MROH1: variants seen among roughly 807,000 people sequenced by gnomAD.
MROH1 encodes maestro heat like repeat family member 1, also known as maestro heat-like repeat-containing protein family member 1.
A neutral mutation model predicts 116.5 loss-of-function variants in MROH1; 117 were observed. The ratio of observed to expected loss-of-function variants is 1.00; its 90% CI spans 0.86 to 1.17. The LOEUF is 1.17. Among genes scored for constraint, MROH1 ranks in the 50% most tolerant of loss-of-function variants. The pLI is 0.00. For synonymous variants in MROH1, 921 were observed against 583.9 expected, an observed-to-expected ratio of 1.58 and a Z score of -8.32; for missense variants, 1,873 against 1,338.5, an observed-to-expected ratio of 1.40 and a Z score of -6.23.
At chr8:144,200,398 G>A in intron 11 of MROH1, 30 bp from the exon 12 acceptor site, 1 of 1,501,902 alleles carries the variant, frequency 6.7e-7, no homozygotes, top group Non-Finnish European at 9.0e-7. Context: ...AAGATGACAT[G>A]GAGCCTAATC....
chr8:144,233,539 A>G (rs564502169), intron 14 of MROH1, among the ~76,000 whole-genome samples: 3,806 of 142,916 alleles, frequency 0.027, 195 homozygotes, highest in African/African-American at 0.098. Flanking sequence ...CCCACCATCC[A>G]CCTTCTCTCT....
At chr8:144,228,631 T>C (rs1838250861) in intron 14 of MROH1, among the ~76,000 whole-genome samples, 1 of 152,154 alleles carries the variant, frequency 6.6e-6, no homozygotes, top group Non-Finnish European at 1.5e-5. Context: ...ACCCAGCTAA[T>C]TGTTTGTATT....
At position 144,240,611 on chromosome 8, in the gene MROH1, G is replaced by A. The variant is rs1840812090; in HGVS notation, c.1869G>A (p.Trp623Ter). The change falls in exon 20 of 44, where the codon TGG becomes TGA. Residue 623 changes from tryptophan (W) to a stop codon, truncating the protein, a stop_gained. Transcript: ENST00000326134. LOFTEE classifies it high-confidence loss of function. ...TGGCCATCATTTCTGACAACGCGTG[G>A]ATCTGCCAGCTGAGCCTGGAGCTGT... is the stretch of plus-strand genomic sequence containing the variant. ...DTLAIISDNA[W>*]ICQLSLELCR... is the part of the protein sequence containing the mutation. 1.4e-6 allele frequency: 1 copy of A among 717,476 alleles called. No individual in the cohort carries two copies. Among genetic ancestry groups the A allele is most frequent in the East Asian group, 2.7e-5 (1 of 37,308 alleles). 44.4% of individuals were successfully genotyped at this position (717,476 alleles called of 1,614,324 possible).
Position 144,259,243 on chromosome 8 carries a change from C to T in MROH1, c.3933C>T (p.Ala1311=), listed in dbSNP as rs2129970315. 2.8e-6 allele frequency: 2 copies of T among 713,776 alleles called. No individual in the cohort carries two copies. The highest frequency in any genetic ancestry group is 2.6e-6 in the Non-Finnish European group (1 of 384,840). 44.2% of individuals were successfully genotyped at this position (713,776 alleles called of 1,614,324 possible). ...HEEGATRLAR[A]MAEHAGPRLP... ...CCTCAGCGGCCCCCTTTCCCAGGGC[C>T]ATGGCTGAGCACGCAGGGCCCCGAC... Residue 1311 remains alanine (A), a synonymous_variant, in exon 37 of 44, where the codon GCC becomes GCT. Transcript: ENST00000326134.
intron 7 of MROH1, among the ~76,000 whole-genome samples, chr8:144,188,368 C>G (rs956756469): frequency 6.6e-6 from 1 of 152,092 alleles, no homozygotes; most frequent in African/African-American, 2.4e-5. Context: ...CACTCACACC[C>G]CAACCTGGCC....
At chr8:144,199,308 G>A in intron 11 of MROH1, 108 bp downstream of exon 11, 5 of 1,184,600 alleles carry the variant, frequency 4.2e-6, no homozygotes, top group Middle Eastern at 2.0e-4. Flanking sequence ...CGGGGATGAG[G>A]AGGCCCCTGT....
intron 33 of MROH1, chr8:144,251,851 C>G (rs945766549): frequency 1.2e-5 from 2 of 163,626 alleles, no homozygotes; most frequent in Non-Finnish European, 2.7e-5. Flanking sequence ...GCCACCTGAC[C>G]GCCACCACTA....
chr8:144,207,848 T>C (rs1046959647), intron 12 of MROH1, among the ~76,000 whole-genome samples: 1 of 152,220 alleles, frequency 6.6e-6, no homozygotes, highest in Non-Finnish European at 1.5e-5. Context: ...TTAGATGCTT[T>C]ATTGTTTGAG....
intron 4 of MROH1, among the ~76,000 whole-genome samples, chr8:144,178,858 T>C (rs1170952713): frequency 6.6e-6 from 1 of 152,164 alleles, no homozygotes; most frequent in Non-Finnish European, 1.5e-5. Context: ...AAGGACAGTG[T>C]GTGCTCTTTG....
chr8:144,171,706 G>C (rs1428259538), intron 4 of MROH1, among the ~76,000 whole-genome samples: 1 of 152,146 alleles, frequency 6.6e-6, no homozygotes, highest in East Asian at 1.9e-4. Context: ...CATCTGTTGT[G>C]AGACTGTCTT....
rs965573847 is a variant in MROH1, at chr8:144,226,857, T to C, written c.1338+3627T>C. On this transcript the variant is annotated intron_variant, in intron 14 of 43. Transcript: ENST00000326134. ...TTCCTTTGTTTTTCCCTGTAAATTTTAGAGTCATCTTGTTGATAATATTCC... is the reference window on the plus strand; with the variant it reads ...TTCCTTTGTTTTTCCCTGTAAATTTCAGAGTCATCTTGTTGATAATATTCC... Among the ~76,000 whole-genome samples, 3 of 152,234 alleles carry C rather than the reference T, an allele frequency of 2.0e-5. No homozygotes were observed. In the East Asian group the frequency reaches 5.8e-4, roughly 29 times the overall value.
chr8:144,240,488 A>G (rs1840784230), intron 19 of MROH1, 82 bp from the exon 20 acceptor site: 1 of 706,934 alleles, frequency 1.4e-6, no homozygotes. Context: ...CTGCAGCCAC[A>G]GCACATGGGG....
At chr8:144,175,427 GCCA>G in intron 4 of MROH1, 7 of 912,456 alleles carry the variant, frequency 7.7e-6, no homozygotes, top group Non-Finnish European at 9.2e-6. Flanking sequence ...TCCCAGCTCA[GCCA>G]TGCTCTGACT....
chr8:144,204,409 GC>G (rs370739704), intron 12 of MROH1, among the ~76,000 whole-genome samples: 102 of 152,292 alleles, frequency 6.7e-4, no homozygotes, highest in African/African-American at 2.3e-3. Flanking sequence ...GGGCATCTAT[GC>G]CGTCTATGTC....
intron 32 of MROH1, among the ~76,000 whole-genome samples, chr8:144,249,320 A>G (rs1211621830): frequency 3.9e-5 from 6 of 152,152 alleles, no homozygotes; most frequent in Admixed American, 2.0e-4. Context: ...AAGGGGGGAA[A>G]AGGAAGTGAA....
chr8:144,245,451 C>T (rs1289694053), intron 29 of MROH1, among the ~76,000 whole-genome samples, 191 bp downstream of exon 29: 2 of 152,242 alleles, frequency 1.3e-5, no homozygotes, highest in African/African-American at 4.8e-5. Context: ...AGTCCGTTGT[C>T]ATCAGGGGTC....
intron 3 of MROH1, among the ~76,000 whole-genome samples, chr8:144,167,472 G>GT (rs1821205228): frequency 1.5e-5 from 2 of 131,762 alleles, no homozygotes; most frequent in Non-Finnish European, 3.3e-5. Context: ...TGGCCAGTTG[G>GT]GGTGGAGTGG....
At chr8:144,157,821 G>A (rs1275516065) in intron 1 of MROH1, among the ~76,000 whole-genome samples, 6 of 151,032 alleles carry the variant, frequency 4.0e-5, no homozygotes, top group Middle Eastern at 3.2e-3. Flanking sequence ...GGGACTACAG[G>A]TGGGTGCCAC....
intron 34 of MROH1, 47 bp from the exon 35 acceptor site, chr8:144,255,462 C>T (rs1156245176): frequency 1.3e-6 from 1 of 767,824 alleles, no homozygotes; most frequent in Non-Finnish European, 2.4e-6. Context: ...GCTCAGATCT[C>T]CTGCGGCCTG....
Sources: gnomAD v4.1 joint callset for allele counts (sites outside exome capture counted in the v4.1 genomes callset) on GRCh38, gnomAD v4.1.1 for gene constraint, MANE v1.5 for transcripts, NCBI Gene and HGNC (gene_info 2026-07-23, HGNC 2026-07-21) for gene names.